Variants in FRAS1 observed in about 807,000 individuals in gnomAD.
The protein encoded by FRAS1 is extracellular matrix organizing protein FRAS1.
Under a neutral mutation model 435.2 loss-of-function variants are expected in FRAS1, and 290 were observed. That is an observed-to-expected ratio of 0.67 (90% CI 0.61 to 0.73). The LOEUF (loss-of-function observed/expected upper bound fraction) is 0.73. FRAS1 is among the 30% of genes least tolerant of loss of function. The pLI is 0.00. For missense variants in FRAS1, 4,860 were observed against 5,001.5 expected (o/e 0.97, Z 0.85); for synonymous variants, 1,800 against 1,851.0 (o/e 0.97, Z 0.71).
intron 2 of FRAS1, among the ~76,000 whole-genome samples, chr4:78,066,806 A>G (rs1259041395): frequency 2.6e-5 from 4 of 152,240 alleles, no homozygotes; most frequent in Non-Finnish European, 4.4e-5. Context: ...TTGATAAGTC[A>G]TCCTGGATTA....
At chr4:78,416,360 G>A (rs1441799408) in intron 32 of FRAS1, among the ~76,000 whole-genome samples, 1 of 152,026 alleles carries the variant, frequency 6.6e-6, no homozygotes, top group African/African-American at 2.4e-5. Flanking sequence ...TGCAAGGTGG[G>A]AGAGTTCTAG....
intron 2 of FRAS1, among the ~76,000 whole-genome samples, chr4:78,231,446 A>T (rs1437078413): frequency 3.9e-5 from 6 of 152,058 alleles, no homozygotes; most frequent in Non-Finnish European, 1.5e-5. Context: ...GTTTCTATGC[A>T]CATAGATATA....
intron 14 of FRAS1, among the ~76,000 whole-genome samples, chr4:78,301,271 G>C (rs1457587513): frequency 6.6e-6 from 1 of 151,964 alleles, no homozygotes; most frequent in Non-Finnish European, 1.5e-5. Context: ...ATTAACAAAA[G>C]CATAGGTAGG....
chr4:78,323,040 T>G (rs1729568763), intron 18 of FRAS1, among the ~76,000 whole-genome samples: 1 of 152,182 alleles, frequency 6.6e-6, no homozygotes, highest in African/African-American at 2.4e-5. Flanking sequence ...TGGGCTGTTG[T>G]GGCTAGAAAG....
At chr4:78,201,337 G>A (rs1412591133) in intron 2 of FRAS1, among the ~76,000 whole-genome samples, 2 of 152,192 alleles carry the variant, frequency 1.3e-5, no homozygotes, top group Non-Finnish European at 2.9e-5. Flanking sequence ...TAGAAGTTAG[G>A]TAAAGAACAA....
At chr4:78,203,008 A>G (rs980716952) in intron 2 of FRAS1, among the ~76,000 whole-genome samples, 9 of 152,180 alleles carry the variant, frequency 5.9e-5, no homozygotes, top group Admixed American at 2.0e-4. Context: ...TACTGGATGA[A>G]CCAAGCTATC....
At chr4:78,224,569 G>A (rs1724191289) in intron 2 of FRAS1, among the ~76,000 whole-genome samples, 1 of 152,142 alleles carries the variant, frequency 6.6e-6, no homozygotes, top group Admixed American at 6.5e-5. Flanking sequence ...GTCCCACTTT[G>A]TTGCCCAGAT....
intron 2 of FRAS1, among the ~76,000 whole-genome samples, chr4:78,216,151 T>C (rs993568895): frequency 1.8e-4 from 28 of 152,158 alleles, no homozygotes; most frequent in South Asian, 4.1e-4. Context: ...TATTAATCAG[T>C]GAATGAATGA....
At chr4:78,439,328 C>G (rs1734563033) in intron 40 of FRAS1, among the ~76,000 whole-genome samples, 1 of 152,058 alleles carries the variant, frequency 6.6e-6, no homozygotes, top group Non-Finnish European at 1.5e-5. Flanking sequence ...GTTGTTAGTA[C>G]TGGGAATAAA....
chr4:78,130,108 G>A (rs1344829950), intron 2 of FRAS1, among the ~76,000 whole-genome samples: 1 of 152,104 alleles, frequency 6.6e-6, no homozygotes, highest in Non-Finnish European at 1.5e-5. Flanking sequence ...CTTAAAGATA[G>A]CATCAATCTC....
At chr4:78,372,098 A>G (rs747636511) in intron 23 of FRAS1, among the ~76,000 whole-genome samples, 32 of 152,214 alleles carry the variant, frequency 2.1e-4, no homozygotes, top group Admixed American at 1.2e-3. Flanking sequence ...GCAAATTAAC[A>G]TGTAATTGAG....
rs898106524 is a variant in FRAS1 at position 78,190,009 on chromosome 4, G to T, written c.109-47501G>T. Reference sequence around the variant, plus strand: ...ATTAGCCATCTAACCTGGTTCTGTTGTTTCTACTGTTGGCCAGCTACATCC... The same window carrying T: ...ATTAGCCATCTAACCTGGTTCTGTTTTTTCTACTGTTGGCCAGCTACATCC... On this transcript the variant is annotated intron_variant, in intron 2 of 73. Transcript: ENST00000512123. 2.0e-5 allele frequency among the ~76,000 whole-genome samples: 3 copies of T among 152,156 alleles called. No individual in the cohort carries two copies. The East Asian group carries it at 5.8e-4, about 29-fold the overall frequency.
intron 29 of FRAS1, among the ~76,000 whole-genome samples, chr4:78,388,703 A>G (rs1732325466): frequency 6.6e-6 from 1 of 151,432 alleles, no homozygotes; most frequent in South Asian, 2.1e-4. Flanking sequence ...CACTACTCAG[A>G]AGGCTGAGGT....
chr4:78,408,236 G>A (rs1302515081), intron 31 of FRAS1, among the ~76,000 whole-genome samples: 1 of 152,108 alleles, frequency 6.6e-6, no homozygotes, highest in Non-Finnish European at 1.5e-5. Flanking sequence ...CTCCCACCGG[G>A]TCCCTCCAAC....
At chr4:78,441,459 T>C (rs1734655352) in intron 41 of FRAS1, among the ~76,000 whole-genome samples, 162 bp downstream of exon 41, 1 of 152,180 alleles carries the variant, frequency 6.6e-6, no homozygotes, top group Admixed American at 6.5e-5. Flanking sequence ...TCAACAAAAA[T>C]TTAATGAGCA....
At chr4:78,417,580 C>G (rs1208467483) in intron 32 of FRAS1, among the ~76,000 whole-genome samples, 1 of 152,126 alleles carries the variant, frequency 6.6e-6, no homozygotes, top group Non-Finnish European at 1.5e-5. Flanking sequence ...TCTAATTTTC[C>G]TTGCTCATTA....
At chr4:78,382,306 A>T (rs1391479319) in intron 27 of FRAS1, among the ~76,000 whole-genome samples, 2 of 151,996 alleles carry the variant, frequency 1.3e-5, no homozygotes, top group Admixed American at 1.3e-4. Flanking sequence ...ATAATTTTTA[A>T]AAATGATAAA....
chr4:78,301,851 T>TTG (rs1301564569), intron 14 of FRAS1, among the ~76,000 whole-genome samples: 1 of 148,118 alleles, frequency 6.8e-6, no homozygotes. Flanking sequence ...AAACAGTTTT[T>TTG]TTTTTTTTTT....
chr4:78,170,782 ATTC>A (rs1285227087), intron 2 of FRAS1, among the ~76,000 whole-genome samples: 2 of 152,018 alleles, frequency 1.3e-5, no homozygotes, highest in African/African-American at 4.8e-5. Flanking sequence ...CATCCTCATT[ATTC>A]TTTATATGCC....
Sources: gnomAD v4.1 joint callset for allele counts (sites outside exome capture counted in the v4.1 genomes callset) on GRCh38, gnomAD v4.1.1 for gene constraint, MANE v1.5 for transcripts, NCBI Gene and HGNC (gene_info 2026-07-23, HGNC 2026-07-21) for gene names.